The following RBFOX1 variants were observed in gnomAD, a reference collection of about 807,000 sequenced individuals.
RBFOX1 encodes the protein RNA binding fox-1 homolog 1.
RBFOX1 carries 8 observed loss-of-function variants against 57.7 expected under a neutral mutation model. That is an observed-to-expected ratio of 0.14 (90% CI 0.08 to 0.25). RBFOX1 has a LOEUF of 0.25. Among genes scored for constraint, RBFOX1 ranks in the 10% least tolerant of loss-of-function variants. The pLI is 1.00. For synonymous variants in RBFOX1, 326 were observed against 222.4 expected (o/e 1.47, Z -4.15); for missense variants, 611 against 548.5 (o/e 1.11, Z -1.14).
intron 4 of RBFOX1, among the ~76,000 whole-genome samples, chr16:7,184,130 A>G (rs2083263085): frequency 6.6e-6 from 1 of 152,204 alleles, no homozygotes; most frequent in Non-Finnish European, 1.5e-5. Context: ...CTGACAGGAA[A>G]GGGCTTTGTG....
At chr16:6,193,427 A>ATATATAT (rs1567651849) in intron 1 of RBFOX1, among the ~76,000 whole-genome samples, 1,116 of 60,142 alleles carry the variant, frequency 0.019, 22 homozygotes, top group Non-Finnish European at 0.028. Flanking sequence ...TATATATATA[A>ATATATAT]AATTCAGTGA....
chr16:7,125,584 C>T (rs531140836), intron 4 of RBFOX1, among the ~76,000 whole-genome samples: 97 of 152,232 alleles, frequency 6.4e-4, no homozygotes, highest in African/African-American at 2.2e-3. Context: ...AAGCATTTTA[C>T]GGTCAACATC....
intron 4 of RBFOX1, among the ~76,000 whole-genome samples, chr16:5,914,128 C>T (rs2058659306): frequency 6.6e-6 from 1 of 152,110 alleles, no homozygotes; most frequent in Non-Finnish European, 1.5e-5. Context: ...GTGATGGCAG[C>T]CAGGAGGAAA....
chr16:5,550,757 T>C (rs1291902338), intron 2 of RBFOX1, among the ~76,000 whole-genome samples: 2 of 152,166 alleles, frequency 1.3e-5, no homozygotes, highest in Non-Finnish European at 2.9e-5. Context: ...AATACGGACA[T>C]GAGAATAAAC....
chr16:6,403,320 C>G (rs774516741), intron 2 of RBFOX1, among the ~76,000 whole-genome samples: 1 of 152,136 alleles, frequency 6.6e-6, no homozygotes, highest in Non-Finnish European at 1.5e-5. Context: ...AGAACCCAAG[C>G]AATAAGGGGT....
chr16:5,253,829 C>T (rs539299996), intron 1 of RBFOX1, among the ~76,000 whole-genome samples: 2 of 152,250 alleles, frequency 1.3e-5, no homozygotes, highest in Admixed American at 6.5e-5. Context: ...CCTGCTCTTG[C>T]TGCCTGGAAA....
At chr16:5,700,653 T>C (rs899621315) in intron 3 of RBFOX1, among the ~76,000 whole-genome samples, 5 of 152,238 alleles carry the variant, frequency 3.3e-5, no homozygotes, top group Admixed American at 2.6e-4. Flanking sequence ...TAATGATGTC[T>C]TCAATTTCTT....
intron 4 of RBFOX1, among the ~76,000 whole-genome samples, chr16:7,415,947 A>G (rs2098473700): frequency 6.7e-6 from 1 of 148,806 alleles, no homozygotes; most frequent in Non-Finnish European, 1.5e-5. Flanking sequence ...GGTTTAGGAG[A>G]AAAAAAAATC....
At chr16:6,610,385 T>C (rs373053935) in intron 2 of RBFOX1, among the ~76,000 whole-genome samples, 1 of 152,136 alleles carries the variant, frequency 6.6e-6, no homozygotes. Context: ...TGGAGTGCAG[T>C]GGTGCAATCA....
intron 3 of RBFOX1, among the ~76,000 whole-genome samples, chr16:6,795,503 C>G (rs964510320): frequency 5.9e-5 from 9 of 152,082 alleles, no homozygotes; most frequent in Non-Finnish European, 1.3e-4. Flanking sequence ...CACGTTGGCT[C>G]ACGTCTGTAA....
Position 6,603,274 on chromosome 16 carries a change from G to A in RBFOX1, c.-63-51329G>A, listed in dbSNP as rs549263118. Among the ~76,000 whole-genome samples the A allele has an allele frequency of 3.9e-4, 59 of 152,300 alleles. 1 individual carries two copies. In the South Asian group the frequency reaches 8.9e-3, roughly 23 times the overall value. On this transcript the variant is annotated intron_variant, in intron 2 of 15. Coordinates refer to ENST00000550418, the MANE Select transcript of RBFOX1 (RefSeq NM_018723.4). ...AAAGGAGAGACTGACCCCGGGGAAA[G>A]GCAGCCCACATTGCCAGAGCTTCTG...
intron 2 of RBFOX1, among the ~76,000 whole-genome samples, chr16:6,540,908 G>T (rs919451088): frequency 1.3e-5 from 2 of 151,996 alleles, no homozygotes; most frequent in African/African-American, 4.8e-5. Flanking sequence ...TCGTTTCTCT[G>T]ACTTCTTGGA....
chr16:7,088,309 G>A (rs1278548212), intron 4 of RBFOX1, among the ~76,000 whole-genome samples: 3 of 152,094 alleles, frequency 2.0e-5, no homozygotes, highest in Admixed American at 2.0e-4. Context: ...GAGTAGTGAT[G>A]GCTTTGTTTA....
At chr16:6,943,711 A>AG (rs1343773439) in intron 3 of RBFOX1, among the ~76,000 whole-genome samples, 1 of 148,488 alleles carries the variant, frequency 6.7e-6, no homozygotes, top group African/African-American at 2.4e-5. Context: ...CTGTCTTTAA[A>AG]AAAAAAAAAA....
intron 1 of RBFOX1, among the ~76,000 whole-genome samples, chr16:6,041,770 A>G (rs766954125): frequency 3.3e-5 from 5 of 152,134 alleles, no homozygotes; most frequent in Admixed American, 6.5e-5. Context: ...GATGCTAAAC[A>G]TCTTCCAGTT....
intron 4 of RBFOX1, among the ~76,000 whole-genome samples, chr16:7,463,414 T>G (rs987394786): frequency 1.3e-5 from 2 of 152,228 alleles, no homozygotes; most frequent in East Asian, 1.9e-4. Context: ...TGACACAGGA[T>G]AATCACTTGA....
At chr16:6,121,490 A>G (rs2096548995) in intron 1 of RBFOX1, among the ~76,000 whole-genome samples, 1 of 152,184 alleles carries the variant, frequency 6.6e-6, no homozygotes, top group Non-Finnish European at 1.5e-5. Flanking sequence ...CAGTACCCCC[A>G]AATTCTAGCC....
At chr16:5,479,585 C>G (rs912362438) in intron 2 of RBFOX1, among the ~76,000 whole-genome samples, 3 of 151,762 alleles carry the variant, frequency 2.0e-5, no homozygotes, top group Non-Finnish European at 4.4e-5. Flanking sequence ...ATGGTAAAAC[C>G]CCGTCTCTTC....
rs560496571 is a variant in RBFOX1 at position 7,024,823 on chromosome 16, C to T, written c.-15-27234C>T. Among the ~76,000 whole-genome samples the T allele has an allele frequency of 2.4e-4, 37 of 152,290 alleles. 2 individuals are homozygous for T. The highest frequency in any genetic ancestry group is 1.8e-3 in the Admixed American group (27 of 15,296). The stretch of plus-strand genomic sequence containing the variant: ...TCTGGACCCTGTTGGATGTTAACCA[C>T]GATGGTTCTCACACGGGGCTGGGTG... On this transcript the variant is annotated intron_variant, in intron 3 of 15. Transcript: ENST00000550418.
Sources: allele counts gnomAD v4.1 joint callset (sites outside exome capture counted in the v4.1 genomes callset), GRCh38; gene constraint gnomAD v4.1.1; transcripts MANE v1.5; gene names NCBI Gene and HGNC (gene_info 2026-07-23, HGNC 2026-07-21).